Variants in ZNF410 observed in about 807,000 individuals in gnomAD.
ZNF410 encodes the protein zinc finger protein 410.
Under a neutral mutation model 54.8 loss-of-function variants are expected in ZNF410, and 18 were observed. The ratio of observed to expected loss-of-function variants is 0.33; its 90% CI spans 0.23 to 0.49. ZNF410 has a LOEUF of 0.49. Ranked by LOEUF, ZNF410 falls within the 20% of genes least tolerant of loss-of-function variation. The pLI, the probability that ZNF410 is intolerant of heterozygous loss-of-function variation, is 0.99. For missense variants in ZNF410, 405 were observed against 569.6 expected, an observed-to-expected ratio of 0.71 and a Z score of 2.94; for synonymous variants, 191 against 207.3, an observed-to-expected ratio of 0.92 and a Z score of 0.68.
intron 8 of ZNF410, among the ~76,000 whole-genome samples, chr14:73,918,389 T>G (rs2055701365): frequency 6.6e-6 from 1 of 152,166 alleles, no homozygotes; most frequent in South Asian, 2.1e-4. Context: ...CATGAGCCAC[T>G]GCGCCTGGCC....
intron 4 of ZNF410, 128 bp from the exon 5 acceptor site, chr14:73,897,943 G>T (rs2055346977): frequency 1.1e-6 from 1 of 878,522 alleles, no homozygotes; most frequent in East Asian, 2.6e-5. Context: ...CTGCACTCCA[G>T]CCTGGGTGAC....
chr14:73,891,764 C>T (rs1383973971), intron 1 of ZNF410: 11 of 462,584 alleles, frequency 2.4e-5, no homozygotes, highest in Middle Eastern at 1.2e-3. Context: ...TAGGATAAGA[C>T]GGACATCTTT....
intron 6 of ZNF410, 63 bp from the exon 7 acceptor site, chr14:73,904,839 T>A (rs2140305924): frequency 6.4e-7 from 1 of 1,553,712 alleles, no homozygotes; most frequent in Non-Finnish European, 8.7e-7. Flanking sequence ...ATAGGGGCTT[T>A]GACTTGTCAT....
intron 8 of ZNF410, chr14:73,920,500 G>A (rs2055740228): frequency 6.5e-6 from 1 of 154,372 alleles, no homozygotes; most frequent in Admixed American, 6.4e-5. Flanking sequence ...GAGACGGAGA[G>A]TTTGGGACTT....
chr14:73,920,989 C>T lies in ZNF410; in HGVS notation c.1013C>T (p.Pro338Leu). Residue 338 changes from proline (P) to leucine (L), a missense_variant, in exon 9 of 12, where the codon CCT (proline) becomes CTT (leucine). By Grantham distance (98) the Pro-to-Leu change is moderately conservative (BLOSUM62 -3). Coordinates refer to ENST00000555044, the MANE Select transcript of ZNF410 (RefSeq NM_021188.3). ...CTGGTCCCTGTTTCAGGAGAGAAGC[C>T]TCATCAGTGCCAAGTCTGTGGGAAG... ...KHLVVHSGEKPHQCQVCGKTF... is the reference protein window; with the variant it reads ...KHLVVHSGEKLHQCQVCGKTF... The T allele has an allele frequency of 6.2e-7, 1 of 1,614,044 alleles. No homozygotes were observed. The highest frequency in any genetic ancestry group is 8.5e-7 in the Non-Finnish European group (1 of 1,179,964).
intron 9 of ZNF410, 89 bp from the exon 10 acceptor site, chr14:73,921,976 GA>G: frequency 6.6e-7 from 1 of 1,511,750 alleles, no homozygotes. Context: ...TTCTAGTAAT[GA>G]AAGAGAAGGC....
At position 73,931,394 on chromosome 14, in the gene ZNF410, ACCC is replaced by A. The variant is rs1326297275; in HGVS notation, c.1399-107_1399-105del. ...CTTTGGAAGTAGATAGCCTTCATTC[ACCC>A]CTGTAGTGCATTCTCCATCCTCCAC... is the stretch of plus-strand genomic sequence containing the variant. On this transcript the variant is annotated intron_variant, in intron 11 of 11. Coordinates refer to ENST00000555044, the MANE Select transcript of ZNF410 (RefSeq NM_021188.3). The A allele has an allele frequency of 4.5e-6, 4 of 894,526 alleles. No individual in the cohort carries two copies. In the African/African-American group the frequency reaches 6.9e-5, roughly 15 times the overall value. 55.4% of individuals were successfully genotyped at this position (894,526 alleles called of 1,614,324 possible).
intron 11 of ZNF410, among the ~76,000 whole-genome samples, chr14:73,924,167 G>T (rs2055794842): frequency 6.6e-6 from 1 of 152,120 alleles, no homozygotes; most frequent in Non-Finnish European, 1.5e-5. Context: ...TTGGCACCAG[G>T]GACCGGTTTC....
At chr14:73,918,725 G>A (rs2055708659) in intron 8 of ZNF410, among the ~76,000 whole-genome samples, 1 of 121,212 alleles carries the variant, frequency 8.3e-6, no homozygotes, top group Non-Finnish European at 1.6e-5. Flanking sequence ...CCCCTAAACG[G>A]AGTCTTGCTG....
At position 73,923,464 on chromosome 14, in the gene ZNF410, TGCAGTCAGGGAG is replaced by T; in HGVS notation, c.1344_1355del (p.Gly450_Ser453del). 1 of 1,614,066 alleles carries T rather than the reference TGCAGTCAGGGAG, an allele frequency of 6.2e-7. No individual in the cohort carries two copies. The highest frequency in any genetic ancestry group is 1.1e-5 in the South Asian group (1 of 91,038). ...GATGTGACACATCACCTGGTGACCATGCAGTCAGGGAGGCAATCATATGAAGTTTCTGTCTTA... is the reference window on the plus strand; with the variant it reads ...GATGTGACACATCACCTGGTGACCATGCAATCATATGAAGTTTCTGTCTTA... On this transcript the variant is annotated inframe_deletion, in exon 11 of 12. Coordinates refer to ENST00000555044, the MANE Select transcript of ZNF410 (RefSeq NM_021188.3).
chr14:73,900,244 A>G (rs186228932), intron 5 of ZNF410, among the ~76,000 whole-genome samples: 10 of 152,236 alleles, frequency 6.6e-5, no homozygotes, highest in African/African-American at 1.4e-4. Flanking sequence ...TTATTTTCCA[A>G]CAAGATAATA....
rs914038161 is a variant in ZNF410 at position 73,932,053 on chromosome 14, T to G, written c.*512T>G. 1 of 455,972 alleles carries G rather than the reference T, an allele frequency of 2.2e-6. No individual in the cohort carries two copies. Among genetic ancestry groups the G allele is most frequent in the South Asian group, 1.5e-5 (1 of 64,518 alleles). The allele number at this position is 455,972 out of a possible 1,614,324, so 28.2% of individuals were successfully genotyped here. A position where few individuals can be genotyped will look rare whatever the true frequency, so the allele number is the denominator to read the frequency against. On this transcript the variant is annotated 3_prime_UTR_variant, in exon 12 of 12. Transcript: ENST00000555044. Reference sequence around the variant, plus strand: ...CCCTTTAGCAACCTGAGTAAGAGACTCTCTGCCACTGGGCTGCAAAAAAAT... The same window carrying G: ...CCCTTTAGCAACCTGAGTAAGAGACGCTCTGCCACTGGGCTGCAAAAAAAT...
chr14:73,927,764 A>AT (rs1223864760), intron 11 of ZNF410: 1 of 152,174 alleles, frequency 6.6e-6, no homozygotes, highest in Non-Finnish European at 1.5e-5. Flanking sequence ...ATAACTATAT[A>AT]TATGGTGCTG....
intron 7 of ZNF410, among the ~76,000 whole-genome samples, chr14:73,906,775 A>C (rs1271080354): frequency 2.0e-5 from 3 of 151,976 alleles, no homozygotes; most frequent in African/African-American, 7.2e-5. Context: ...CACCACGCCC[A>C]GACTTAAAAT....
chr14:73,924,828 C>T, intron 11 of ZNF410: 1 of 338,562 alleles, frequency 3.0e-6, no homozygotes, highest in Non-Finnish European at 5.7e-6. Flanking sequence ...AGGTGCGTGC[C>T]ACCACGCCCA....
In ZNF410 at chr14:73,932,458, T is replaced by G. The variant is rs1390725289; in HGVS notation, c.*917T>G. On this transcript the variant is annotated 3_prime_UTR_variant, in exon 12 of 12. Transcript: ENST00000555044. ...TTAAGCCCAGGTGATAGTTACTCTG[T>G]CACCACCAAAAAAGACGCATCTGAG... 2.2e-6 allele frequency: 1 copy of G among 455,164 alleles called. No homozygotes were observed. The highest frequency in any genetic ancestry group is 4.4e-6 in the Non-Finnish European group (1 of 226,658). 28.2% of individuals were successfully genotyped at this position (455,164 alleles called of 1,614,324 possible). A position where few individuals can be genotyped will look rare whatever the true frequency, so the allele number is the denominator to read the frequency against.
intron 8 of ZNF410, among the ~76,000 whole-genome samples, chr14:73,918,685 CCTT>C (rs2055706810): frequency 1.6e-5 from 2 of 122,694 alleles, no homozygotes; most frequent in Non-Finnish European, 3.3e-5. Context: ...TTTCATATGG[CCTT>C]TTTTTTTTTT....
chr14:73,887,535 G>A (rs1378343883), intron 1 of ZNF410: 1 of 152,154 alleles, frequency 6.6e-6, no homozygotes. Flanking sequence ...ATTTATTAAA[G>A]TTTATCCCAC....
intron 8 of ZNF410, 47 bp downstream of exon 8, chr14:73,909,477 A>G (rs753842015): frequency 2.0e-6 from 3 of 1,518,264 alleles, no homozygotes; most frequent in South Asian, 2.3e-5. Flanking sequence ...AGTAGACAAA[A>G]GAATAAAAGG....
Sources: allele counts gnomAD v4.1 joint callset (sites outside exome capture counted in the v4.1 genomes callset), GRCh38; gene constraint gnomAD v4.1.1; transcripts MANE v1.5; gene names NCBI Gene and HGNC (gene_info 2026-07-23, HGNC 2026-07-21).